NKAIN2: variants seen among roughly 807,000 people sequenced by gnomAD.
The protein encoded by NKAIN2 is sodium/potassium transporting ATPase interacting 2, also known as sodium/potassium-transporting ATPase subunit beta-1-interacting protein 2.
NKAIN2 carries 14 observed loss-of-function variants against 32.6 expected under a neutral mutation model. The ratio of observed to expected loss-of-function variants is 0.43; its 90% CI spans 0.28 to 0.67. NKAIN2 has a LOEUF of 0.67. Ranked by LOEUF, NKAIN2 falls within the 30% of genes least tolerant of loss-of-function variation. The probability of loss-of-function intolerance (pLI) is 0.17; values close to 1 mark genes in which losing one functional copy is unlikely to be tolerated. For synonymous variants in NKAIN2, 80 were observed against 87.2 expected (o/e 0.92, Z 0.46); for missense variants, 198 against 258.3 (o/e 0.77, Z 1.60).
chr6:124,378,847 T>A (rs1332302048), intron 3 of NKAIN2, among the ~76,000 whole-genome samples: 1 of 151,052 alleles, frequency 6.6e-6, no homozygotes, highest in Non-Finnish European at 1.5e-5. Flanking sequence ...CCCAGTACTT[T>A]GGGAGGCTAA....
At position 124,223,293 on chromosome 6, in the gene NKAIN2, C is replaced by CT. The variant is rs539606098; in HGVS notation, c.55-59702dup. Among the ~76,000 whole-genome samples, 1,135 of 139,010 alleles carry CT rather than the reference C, an allele frequency of 8.2e-3. 8 individuals carry two copies. Among genetic ancestry groups the CT allele is most frequent in the African/African-American group, 0.017 (659 of 37,968 alleles). 91.2% of individuals were successfully genotyped at this position (139,010 alleles called of 152,430 possible). On this transcript the variant is annotated intron_variant, in intron 1 of 6. Coordinates refer to ENST00000368417, the MANE Select transcript of NKAIN2 (RefSeq NM_001040214.3). ...AGACGGAGACAGAGGCAAGAATAAA[C>CT]TTTTTTTTTTCCTTTTGGGAAGAGA...
intron 2 of NKAIN2, among the ~76,000 whole-genome samples, chr6:124,353,004 G>A (rs996696877): frequency 1.3e-5 from 2 of 152,104 alleles, no homozygotes; most frequent in African/African-American, 4.8e-5. Context: ...ATCATTTATT[G>A]TTACATAAAC....
rs112292366 is a variant in NKAIN2, at chr6:124,064,353, G to C, written c.55-218652G>C. On this transcript the variant is annotated intron_variant, in intron 1 of 6. Transcript: ENST00000368417. Reference sequence around the variant, plus strand: ...TTTTGCTAAAAAAATGTGAAATTTTGTTTTGGGAATAACCATATTAAATGT... The same window carrying C: ...TTTTGCTAAAAAAATGTGAAATTTTCTTTTGGGAATAACCATATTAAATGT... Among the ~76,000 whole-genome samples the C allele has an allele frequency of 9.9e-3, 1,508 of 152,120 alleles. 22 individuals carry two copies. The highest frequency in any genetic ancestry group is 0.035 in the African/African-American group (1,440 of 41,504).
At chr6:124,499,204 C>G (rs1216558865) in intron 3 of NKAIN2, among the ~76,000 whole-genome samples, 1 of 152,126 alleles carries the variant, frequency 6.6e-6, no homozygotes, top group Admixed American at 6.5e-5. Flanking sequence ...AATAAATTCA[C>G]TATATTTCCA....
chr6:124,465,759 T>C (rs1776728472), intron 3 of NKAIN2, among the ~76,000 whole-genome samples: 1 of 152,016 alleles, frequency 6.6e-6, no homozygotes, highest in Non-Finnish European at 1.5e-5. Context: ...CCTGTAAACA[T>C]CATGGCATTA....
chr6:124,161,385 C>T (rs1006682191), intron 1 of NKAIN2, among the ~76,000 whole-genome samples: 9 of 152,226 alleles, frequency 5.9e-5, no homozygotes, highest in African/African-American at 2.2e-4. Context: ...CTAGGCCCCA[C>T]CTCCAGCACT....
At chr6:123,890,267 C>T (rs944049742) in intron 1 of NKAIN2, among the ~76,000 whole-genome samples, 5 of 151,634 alleles carry the variant, frequency 3.3e-5, no homozygotes, top group Non-Finnish European at 5.9e-5. Flanking sequence ...TCAGTCTTGT[C>T]CTCAGGCTCC....
intron 1 of NKAIN2, among the ~76,000 whole-genome samples, chr6:123,989,849 A>G (rs935640421): frequency 6.6e-6 from 1 of 152,208 alleles, no homozygotes; most frequent in Non-Finnish European, 1.5e-5. Context: ...GAGTTCAAAA[A>G]GAAATATGAC....
chr6:124,721,925 CT>C (rs777059184), intron 4 of NKAIN2, among the ~76,000 whole-genome samples: 1 of 152,110 alleles, frequency 6.6e-6, no homozygotes, highest in African/African-American at 2.4e-5. Flanking sequence ...ATCTCCAGAA[CT>C]TTTTTTGTCT....
intron 3 of NKAIN2, among the ~76,000 whole-genome samples, chr6:124,468,864 T>C (rs1776864224): frequency 6.6e-6 from 1 of 152,176 alleles, no homozygotes; most frequent in Non-Finnish European, 1.5e-5. Flanking sequence ...GAAAATTCTA[T>C]AACATAGGAT....
At chr6:124,605,627 T>C (rs1465269648) in intron 3 of NKAIN2, among the ~76,000 whole-genome samples, 5 of 151,936 alleles carry the variant, frequency 3.3e-5, no homozygotes, top group African/African-American at 4.8e-5. Context: ...TATTATGGGG[T>C]ATCTCCGCAG....
chr6:124,519,700 T>A (rs540261591), intron 3 of NKAIN2, among the ~76,000 whole-genome samples: 1 of 152,298 alleles, frequency 6.6e-6, no homozygotes, highest in South Asian at 2.1e-4. Flanking sequence ...CAGAAGAAGA[T>A]GAATTCCATA....
intron 1 of NKAIN2, among the ~76,000 whole-genome samples, chr6:124,085,084 A>T (rs928880539): frequency 1.3e-5 from 2 of 152,072 alleles, no homozygotes; most frequent in African/African-American, 4.8e-5. Flanking sequence ...GGAGAAAGTG[A>T]CATAGTGTCA....
chr6:124,658,568 C>G (rs1784629698), intron 4 of NKAIN2, 182 bp downstream of exon 4: 40 of 1,410,022 alleles, frequency 2.8e-5, no homozygotes, highest in Non-Finnish European at 3.1e-5. Context: ...ACTTAGTGTG[C>G]TGATTTTCTT....
intron 4 of NKAIN2, among the ~76,000 whole-genome samples, chr6:124,717,653 A>C (rs1157534360): frequency 1.3e-5 from 2 of 152,182 alleles, no homozygotes; most frequent in Admixed American, 6.5e-5. Context: ...AGAGTAAATA[A>C]AAACCATCCC....
At chr6:124,310,224 A>T (rs1796658592) in intron 2 of NKAIN2, among the ~76,000 whole-genome samples, 1 of 152,084 alleles carries the variant, frequency 6.6e-6, no homozygotes, top group Non-Finnish European at 1.5e-5. Context: ...TGATATATAT[A>T]GTTATGTTAG....
intron 1 of NKAIN2, among the ~76,000 whole-genome samples, chr6:123,981,303 T>C (rs1456026159): frequency 6.6e-6 from 1 of 152,176 alleles, no homozygotes; most frequent in Non-Finnish European, 1.5e-5. Context: ...GGTATGCATA[T>C]ACTTTAATTT....
At chr6:124,357,986 T>C (rs1314436025) in intron 3 of NKAIN2, among the ~76,000 whole-genome samples, 1 of 152,216 alleles carries the variant, frequency 6.6e-6, no homozygotes, top group Non-Finnish European at 1.5e-5. Flanking sequence ...TCATGTGTTC[T>C]CATTGTTCAA....
At chr6:124,098,071 C>A (rs898052387) in intron 1 of NKAIN2, among the ~76,000 whole-genome samples, 1 of 151,882 alleles carries the variant, frequency 6.6e-6, no homozygotes, top group Non-Finnish European at 1.5e-5. Flanking sequence ...GATTCTGGAG[C>A]CTGTTAGGTA....
Sources: gnomAD v4.1 joint callset for allele counts (sites outside exome capture counted in the v4.1 genomes callset) on GRCh38, gnomAD v4.1.1 for gene constraint, MANE v1.5 for transcripts, NCBI Gene and HGNC (gene_info 2026-07-23, HGNC 2026-07-21) for gene names.